Variants in QKI observed in about 807,000 individuals in gnomAD.
QKI encodes KH domain-containing RNA-binding protein QKI.
Under a neutral mutation model 39.0 loss-of-function variants are expected in QKI, and 10 were observed. The ratio of observed to expected loss-of-function variants is 0.26; its 90% CI spans 0.16 to 0.43. The LOEUF is 0.43. QKI is among the 20% of genes least tolerant of loss of function. The pLI is 1.00. For synonymous variants in QKI, 204 were observed against 155.4 expected (o/e 1.31, Z -2.33); for missense variants, 218 against 428.0 (o/e 0.51, Z 4.33).
intron 7 of QKI, 58 bp downstream of exon 7, chr6:163,566,853 T>G (rs1783393902): frequency 6.3e-7 from 1 of 1,592,500 alleles, no homozygotes; most frequent in African/African-American, 1.3e-5. Flanking sequence ...CCATAAAATT[T>G]GCAACACCAC....
chr6:163,508,960 GAAACC>G (rs1779268918), intron 3 of QKI, among the ~76,000 whole-genome samples: 1 of 20,616 alleles, frequency 4.9e-5, no homozygotes, highest in African/African-American at 9.2e-5. Flanking sequence ...CCAACATGGA[GAAACC>G]CCAACTCTAC....
At chr6:163,552,552 G>A (rs575099319) in intron 4 of QKI, among the ~76,000 whole-genome samples, 5 of 152,110 alleles carry the variant, frequency 3.3e-5, no homozygotes, top group South Asian at 2.1e-4. Context: ...CTGAGTAAGC[G>A]GAGGAGGAGG....
intron 3 of QKI, among the ~76,000 whole-genome samples, chr6:163,480,672 T>TA (rs1164626182): frequency 2.6e-5 from 4 of 152,162 alleles, no homozygotes; most frequent in Non-Finnish European, 4.4e-5. Context: ...ATGAGAATCT[T>TA]AAAAAAATGT....
At chr6:163,421,309 A>C (rs1162153966) in intron 1 of QKI, among the ~76,000 whole-genome samples, 5 of 152,214 alleles carry the variant, frequency 3.3e-5, no homozygotes, top group Non-Finnish European at 7.3e-5. Context: ...TGCTTTACTT[A>C]AATAGTATAG....
chr6:163,562,784 G>A (rs1182128506), intron 5 of QKI, among the ~76,000 whole-genome samples: 1 of 152,174 alleles, frequency 6.6e-6, no homozygotes, highest in Admixed American at 6.5e-5. Context: ...AGATTTAGAA[G>A]ATGTAGGCAA....
chr6:163,442,192 T>C (rs1286444760), intron 1 of QKI, among the ~76,000 whole-genome samples: 2 of 152,222 alleles, frequency 1.3e-5, no homozygotes, highest in Non-Finnish European at 1.5e-5. Context: ...TGCAAAAGTA[T>C]AAAACTGACC....
intron 3 of QKI, among the ~76,000 whole-genome samples, chr6:163,484,530 A>G (rs1325316193): frequency 2.6e-5 from 4 of 152,064 alleles, no homozygotes; most frequent in African/African-American, 9.7e-5. Flanking sequence ...GGGCCCTAGT[A>G]TTTTTGGAAT....
chr6:163,475,293 A>T (rs1228587135), intron 2 of QKI, among the ~76,000 whole-genome samples: 2 of 152,190 alleles, frequency 1.3e-5, no homozygotes, highest in Non-Finnish European at 1.5e-5. Flanking sequence ...CAAAACTTTT[A>T]GGGGAAATAT....
At chr6:163,491,733 T>TA (rs1424797155) in intron 3 of QKI, among the ~76,000 whole-genome samples, 1 of 152,170 alleles carries the variant, frequency 6.6e-6, no homozygotes, top group African/African-American at 2.4e-5. Context: ...AGACTTGAAA[T>TA]AAAAAATTTA....
chr6:163,549,322 G>T (rs549498265), intron 4 of QKI, among the ~76,000 whole-genome samples: 2 of 152,262 alleles, frequency 1.3e-5, no homozygotes, highest in East Asian at 3.9e-4. Context: ...GTAGGAAAAG[G>T]CTTGTGAACA....
chr6:163,538,079 G>A (rs1781309710), intron 4 of QKI, among the ~76,000 whole-genome samples: 1 of 152,082 alleles, frequency 6.6e-6, no homozygotes, highest in Admixed American at 6.5e-5. Flanking sequence ...GTATTTATTT[G>A]AATTTCTTAA....
intron 1 of QKI, among the ~76,000 whole-genome samples, chr6:163,422,334 TG>T (rs1280351776): frequency 3.3e-5 from 5 of 152,214 alleles, no homozygotes; most frequent in African/African-American, 4.8e-5. Context: ...ATTTTGAGGC[TG>T]GGGAAATGAA....
chr6:163,497,842 A>G (rs574074390), intron 3 of QKI, among the ~76,000 whole-genome samples: 10 of 152,130 alleles, frequency 6.6e-5, no homozygotes, highest in Middle Eastern at 3.4e-3. Flanking sequence ...GTTGAGATGA[A>G]AACTTACATA....
At position 163,570,321 on chromosome 6, in the gene QKI, CACTG is replaced by C. The variant is rs528121607; in HGVS notation, c.1010-368_1010-365del. 7.4e-5 allele frequency: 73 copies of C among 982,452 alleles called. 1 individual carries two copies. In the South Asian group the frequency reaches 1.6e-3, roughly 22 times the overall value. 60.9% of individuals were successfully genotyped at this position (982,452 alleles called of 1,614,324 possible). A position where few individuals can be genotyped will look rare whatever the true frequency, so the allele number is the denominator to read the frequency against. ...AATAGCAGTCAGATACTGATAACTG[CACTG>C]ACTGTTTAAAAATTCTGTATACCAA... On this transcript the variant is annotated intron_variant, in intron 7 of 7. Transcript: ENST00000361752.
chr6:163,543,405 C>T (rs554391383), intron 4 of QKI, among the ~76,000 whole-genome samples: 1 of 152,122 alleles, frequency 6.6e-6, no homozygotes, highest in South Asian at 2.1e-4. Flanking sequence ...TTCTACCTTG[C>T]AGAGCCATTT....
intron 3 of QKI, among the ~76,000 whole-genome samples, chr6:163,523,807 A>G (rs1562511399): frequency 6.6e-6 from 1 of 152,226 alleles, no homozygotes; most frequent in Admixed American, 6.5e-5. Flanking sequence ...TTTTCTTTTT[A>G]GATGCCTTGT....
rs376629445 is a variant in QKI at position 163,513,416 on chromosome 6, ACTTG to A, written c.403-21564_403-21561del. ...AAAAAAGCAGATTAATTGACAGAGAACTTGCAGTTCACAGAGTTTTTATTTGTAT... is the reference window on the plus strand; with the variant it reads ...AAAAAAGCAGATTAATTGACAGAGAACAGTTCACAGAGTTTTTATTTGTAT... On this transcript the variant is annotated intron_variant, in intron 3 of 7. Coordinates refer to ENST00000361752, the MANE Select transcript of QKI (RefSeq NM_006775.3). Among the ~76,000 whole-genome samples, 5 of 152,330 alleles carry A rather than the reference ACTTG, an allele frequency of 3.3e-5. No individual in the cohort carries two copies. The East Asian group carries it at 9.7e-4, about 29-fold the overall frequency.
chr6:163,566,110 A>T, intron 6 of QKI: 1 of 1,459,384 alleles, frequency 6.9e-7, no homozygotes. Flanking sequence ...ATATAAAGTA[A>T]AATTATGTTA....
At chr6:163,569,861 T>G (rs1583238124) in intron 7 of QKI, 4 of 988,158 alleles carry the variant, frequency 4.0e-6, no homozygotes, top group Non-Finnish European at 4.8e-6. Context: ...TTCTTCTATT[T>G]TTTGATGTAC....
Sources: allele counts gnomAD v4.1 joint callset (sites outside exome capture counted in the v4.1 genomes callset), GRCh38; gene constraint gnomAD v4.1.1; transcripts MANE v1.5; gene names NCBI Gene and HGNC (gene_info 2026-07-23, HGNC 2026-07-21).